Variants in ABCC9 observed in about 807,000 individuals in gnomAD.
The protein encoded by ABCC9 is ATP-binding cassette sub-family C member 9.
ABCC9 carries 95 observed loss-of-function variants against 188.3 expected under a neutral mutation model. The observed-to-expected ratio is 0.50, with a 90% confidence interval of 0.43 to 0.60. ABCC9 has a LOEUF of 0.60. ABCC9 is among the 20% of genes least tolerant of loss of function. ABCC9 has a pLI of 0.00. For missense variants in ABCC9, 1,102 were observed against 1,876.3 expected (o/e 0.59, Z 7.62); for synonymous variants, 659 against 652.7 (o/e 1.01, Z -0.15).
rs1279953348 is a variant in ABCC9 at position 21,801,120 on chromosome 12, A to G, written c.4574T>C (p.Leu1525Ser). 4 of 1,613,930 alleles carry G rather than the reference A, an allele frequency of 2.5e-6. No individual in the cohort carries two copies. Among genetic ancestry groups the G allele is most frequent in the South Asian group, 1.1e-5 (1 of 91,084 alleles). The change falls in exon 40 of 40, where the codon TTA (leucine) becomes TCA (serine). Residue 1525 changes from leucine (L) to serine (S), a missense_variant. Around this residue, in one of 12 missense-constraint regions of ABCC9, gnomAD observed 30 missense variants for 34.3 expected, o/e 0.87. Coordinates refer to ENST00000261200, the MANE Select transcript of ABCC9 (RefSeq NM_020297.4). ...GAGGCTTTCTGGAGTGTCATATTCT[A>G]AAATATTTCCTCGCTTCATCACAAT... The part of the protein sequence containing the change: ...LVIVMKRGNI[L>S]EYDTPESLLA...
Position 21,815,780 on chromosome 12 carries a change from T to G in ABCC9, c.4006A>C (p.Ile1336Leu). The G allele has an allele frequency of 1.2e-6, 2 of 1,613,166 alleles. No homozygotes were observed. The highest frequency in any genetic ancestry group is 1.7e-6 in the Non-Finnish European group (2 of 1,179,558). Residue 1336 changes from isoleucine (I) to leucine (L), a missense_variant, in exon 34 of 40, where the codon ATC becomes CTC. Ile to Leu is a conservative substitution (Grantham distance 5, BLOSUM62 2). Around this residue, in one of 12 missense-constraint regions of ABCC9, gnomAD observed 143 missense variants for 225.6 expected, o/e 0.63. Transcript: ENST00000261200. ...KPVLKHVKAY[I>L]KPGQKVGICG... ...TTTCATACCTTTTGTCCAGGTTTGA[T>G]GTAAGCCTTGACGTGCTTAAGAACA...
Position 21,852,110 on chromosome 12 carries a change from T to C in ABCC9, c.2756A>G (p.Gln919Arg). Residue 919 changes from glutamine (Q) to arginine (R), a missense_variant, in exon 24 of 40, where the codon CAA becomes CGA. This residue lies in a region of ABCC9 where 131 missense variants were observed against 170.2 expected (regional missense o/e 0.77). Coordinates refer to ENST00000261200, the MANE Select transcript of ABCC9 (RefSeq NM_020297.4). ...ATGAGCACTTACCTTTTCTAATTCT[T>C]GATCTTGCCGATTCATAAGTGTTTT... ...HWKTLMNRQD[Q>R]ELEKDMEADQ... 1.2e-6 allele frequency: 2 copies of C among 1,613,688 alleles called. No individual in the cohort carries two copies. Among genetic ancestry groups the C allele is most frequent in the Non-Finnish European group, 1.7e-6 (2 of 1,179,834 alleles).
At chr12:21,830,277 A>T (rs565528118) in intron 30 of ABCC9, among the ~76,000 whole-genome samples, 1 of 152,182 alleles carries the variant, frequency 6.6e-6, no homozygotes, top group Non-Finnish European at 1.5e-5. Context: ...TTTATTTCTC[A>T]ATTATTTTTC....
intron 39 of ABCC9, among the ~76,000 whole-genome samples, chr12:21,802,097 T>C (rs1941475893): frequency 6.6e-6 from 1 of 152,188 alleles, no homozygotes; most frequent in African/African-American, 2.4e-5. Flanking sequence ...GAAGATAAAC[T>C]GGGCTTGTGT....
chr12:21,911,222 T>C (rs766509687), intron 8 of ABCC9, among the ~76,000 whole-genome samples: 2 of 151,942 alleles, frequency 1.3e-5, no homozygotes, highest in Non-Finnish European at 2.9e-5. Context: ...TAGAATGCAT[T>C]TCCTGCAAAG....
chr12:21,850,306 A>G (rs949748499), intron 24 of ABCC9, among the ~76,000 whole-genome samples: 2 of 152,190 alleles, frequency 1.3e-5, no homozygotes, highest in African/African-American at 4.8e-5. Flanking sequence ...TGTTTGTACA[A>G]AAACTTCCCC....
In ABCC9 at chr12:21,910,825, C is replaced by A. The variant is rs2137874802; in HGVS notation, c.1164+1G>T. ...AAATAGTATTCACAGCCTTTACATACCAGCAGAGCTCCACGGAGGTTAATG... is the reference window on the plus strand; with the variant it reads ...AAATAGTATTCACAGCCTTTACATAACAGCAGAGCTCCACGGAGGTTAATG... On this transcript the variant is annotated splice_donor_variant, in intron 9 of 39. Coordinates refer to ENST00000261200, the MANE Select transcript of ABCC9 (RefSeq NM_020297.4). LOFTEE classifies it high-confidence loss of function. 4 of 1,610,322 alleles carry A rather than the reference C, an allele frequency of 2.5e-6. No homozygotes were observed. The highest frequency in any genetic ancestry group is 3.4e-6 in the Non-Finnish European group (4 of 1,176,900).
chr12:21,865,536 C>G (rs1340664771), intron 18 of ABCC9, among the ~76,000 whole-genome samples: 5 of 152,078 alleles, frequency 3.3e-5, no homozygotes, highest in African/African-American at 9.7e-5. Flanking sequence ...TGGTATAAAT[C>G]CAATGGGTGA....
At chr12:21,912,790 A>G (rs988477639) in intron 8 of ABCC9, 82 bp downstream of exon 8, 33 of 1,440,774 alleles carry the variant, frequency 2.3e-5, no homozygotes, top group Non-Finnish European at 3.1e-5. Context: ...TGAACAACTC[A>G]TAAAACTGCA....
chr12:21,854,612 A>G (rs1353845977), intron 22 of ABCC9, among the ~76,000 whole-genome samples: 2 of 152,250 alleles, frequency 1.3e-5, no homozygotes, highest in Middle Eastern at 3.2e-3. Flanking sequence ...AGATGTTGCA[A>G]TAAGTACTGT....
At chr12:21,837,531 AT>A (rs971118372) in intron 30 of ABCC9, among the ~76,000 whole-genome samples, 6 of 152,258 alleles carry the variant, frequency 3.9e-5, no homozygotes, top group African/African-American at 1.2e-4. Flanking sequence ...GGGATAGGTA[AT>A]TTTTTGAAAG....
chr12:21,812,713 AG>A (rs1263576778), intron 35 of ABCC9, among the ~76,000 whole-genome samples: 2 of 152,076 alleles, frequency 1.3e-5, no homozygotes, highest in South Asian at 2.1e-4. Flanking sequence ...GTAGGGGGTT[AG>A]GGGAGGGATA....
At chr12:21,915,470 GT>G (rs1948546207) in intron 7 of ABCC9, among the ~76,000 whole-genome samples, 197 bp downstream of exon 7, 1 of 8,386 alleles carries the variant, frequency 1.2e-4, no homozygotes, top group Non-Finnish European at 2.3e-4. Flanking sequence ...GTATATGTGT[GT>G]GTATATATGT....
intron 16 of ABCC9, among the ~76,000 whole-genome samples, chr12:21,875,958 C>A (rs765947635): frequency 1.4e-4 from 21 of 152,048 alleles, no homozygotes; most frequent in Non-Finnish European, 2.8e-4. Flanking sequence ...GTGGCAGGCG[C>A]CTGTAGTCCC....
chr12:21,898,061 C>A (rs368876310), intron 12 of ABCC9, among the ~76,000 whole-genome samples: 1 of 152,082 alleles, frequency 6.6e-6, no homozygotes, highest in Non-Finnish European at 1.5e-5. Flanking sequence ...CACCACTTTG[C>A]GAGGCGGAAG....
At chr12:21,877,700 G>A (rs924679178) in intron 16 of ABCC9, among the ~76,000 whole-genome samples, 8 of 152,298 alleles carry the variant, frequency 5.3e-5, no homozygotes, top group Middle Eastern at 3.4e-3. Context: ...GGAGAAAGAG[G>A]AGACAAAAGG....
intron 19 of ABCC9, among the ~76,000 whole-genome samples, chr12:21,864,110 C>T (rs704196): frequency 0.99 from 150,784 of 152,190 alleles, 74,709 homozygotes; most frequent in East Asian, 1. Flanking sequence ...CATCACTGTT[C>T]AACTCATAAT....
intron 18 of ABCC9, among the ~76,000 whole-genome samples, chr12:21,866,582 C>G (rs1404237736): frequency 6.6e-6 from 1 of 152,170 alleles, no homozygotes; most frequent in Non-Finnish European, 1.5e-5. Context: ...TCACTTATTT[C>G]TCCCCCAACT....
intron 21 of ABCC9, 42 bp downstream of exon 21, chr12:21,860,929 T>C (rs1176842575): frequency 2.0e-5 from 30 of 1,471,732 alleles, no homozygotes; most frequent in Non-Finnish European, 2.9e-5. Flanking sequence ...AAGACTTTTC[T>C]AGATTTTTGT....
Sources: allele counts gnomAD v4.1 joint callset (sites outside exome capture counted in the v4.1 genomes callset), GRCh38; gene constraint gnomAD v4.1.1; regional missense constraint gnomAD v4.1.1; transcripts MANE v1.5; gene names NCBI Gene and HGNC (gene_info 2026-07-23, HGNC 2026-07-21).